The following BAZ2B variants were observed in gnomAD, a reference collection of about 807,000 sequenced individuals.
BAZ2B encodes the protein bromodomain adjacent to zinc finger domain protein 2B.
A neutral mutation model predicts 246.0 loss-of-function variants in BAZ2B; 91 were observed. That is an observed-to-expected ratio of 0.37 (90% CI 0.31 to 0.44). BAZ2B has a LOEUF of 0.44. Among genes scored for constraint, BAZ2B ranks in the 20% least tolerant of loss-of-function variants. BAZ2B has a pLI of 1.00. For missense variants in BAZ2B, 2,332 were observed against 2,533.7 expected (o/e 0.92, Z 1.71); for synonymous variants, 855 against 860.0 (o/e 0.99, Z 0.10).
At chr2:159,382,418 T>C (rs748255364) in intron 25 of BAZ2B, 141 bp downstream of exon 25, 1 of 870,034 alleles carries the variant, frequency 1.1e-6, no homozygotes, top group Non-Finnish European at 1.7e-6. Context: ...CAGATTGTAA[T>C]ATTTGTTTTT....
chr2:159,647,928 A>G, the BAZ2B span, among the ~76,000 whole-genome samples: 1 of 152,184 alleles, frequency 6.6e-6, no homozygotes, highest in East Asian at 1.9e-4. Context: ...AAGTATGCTG[A>G]CTGAAATTTT....
At chr2:159,595,415 C>G (rs1690458587) in intron 1 of BAZ2B, among the ~76,000 whole-genome samples, 1 of 152,104 alleles carries the variant, frequency 6.6e-6, no homozygotes, top group Admixed American at 6.5e-5. Flanking sequence ...TTTTTATATA[C>G]TAATGACAAG....
At chr2:159,443,328 A>G (rs915800090) in intron 6 of BAZ2B, among the ~76,000 whole-genome samples, 3 of 152,144 alleles carry the variant, frequency 2.0e-5, no homozygotes, top group African/African-American at 7.2e-5. Context: ...TAAAATATCA[A>G]TATTTATTCT....
At chr2:159,602,313 A>G (rs1692347025) in intron 1 of BAZ2B, among the ~76,000 whole-genome samples, 1 of 152,210 alleles carries the variant, frequency 6.6e-6, no homozygotes, top group African/African-American at 2.4e-5. Context: ...GGAGAACTAA[A>G]ATAGATAACC....
At position 159,462,261 on chromosome 2, in the gene BAZ2B, T is replaced by C. The variant is rs1302096188; in HGVS notation, c.146-8460A>G. On this transcript the variant is annotated intron_variant, in intron 3 of 36. Coordinates refer to ENST00000392783, the MANE Select transcript of BAZ2B (RefSeq NM_013450.4). Reference sequence around the variant, plus strand: ...ATGCTATAGGTTCAACAGTATTCCATGAGGTTAGAAAACTGGTTAACTTTG... The same window carrying C: ...ATGCTATAGGTTCAACAGTATTCCACGAGGTTAGAAAACTGGTTAACTTTG... The C allele has an allele frequency of 2.5e-5, 15 of 594,336 alleles. No homozygotes were observed. The East Asian group carries it at 4.1e-4, about 16-fold the overall frequency. The allele number at this position is 594,336 out of a possible 1,614,324, so 36.8% of individuals were successfully genotyped here.
At chr2:159,556,798 G>A (rs1328124423) in intron 1 of BAZ2B, among the ~76,000 whole-genome samples, 2 of 152,118 alleles carry the variant, frequency 1.3e-5, no homozygotes, top group Admixed American at 6.5e-5. Flanking sequence ...AATTTGAGAT[G>A]AGCCCTTAAA....
At chr2:159,524,175 CTT>C (rs1203821254) in intron 2 of BAZ2B, among the ~76,000 whole-genome samples, 5 of 152,094 alleles carry the variant, frequency 3.3e-5, no homozygotes, top group Non-Finnish European at 7.3e-5. Flanking sequence ...AATCCCAACT[CTT>C]GGGAGACCAA....
At chr2:159,693,184 T>C in the BAZ2B span, 1 of 37,068 alleles carries the variant, frequency 2.7e-5, no homozygotes, top group African/African-American at 8.8e-5. Flanking sequence ...GGTTTGTAAT[T>C]TTTTTTCTTT....
chr2:159,582,209 T>C (rs1411581567), intron 1 of BAZ2B, among the ~76,000 whole-genome samples: 2 of 152,222 alleles, frequency 1.3e-5, no homozygotes, highest in Non-Finnish European at 1.5e-5. Flanking sequence ...AAAATAAGTA[T>C]ATATATTCAT....
chr2:159,538,672 G>C (rs2086298232), intron 2 of BAZ2B, among the ~76,000 whole-genome samples: 1 of 152,164 alleles, frequency 6.6e-6, no homozygotes, highest in Non-Finnish European at 1.5e-5. Context: ...GACCAACAGA[G>C]GACATTATCA....
At chr2:159,439,785 A>G (rs1181293137) in intron 6 of BAZ2B, among the ~76,000 whole-genome samples, 1 of 152,204 alleles carries the variant, frequency 6.6e-6, no homozygotes, top group East Asian at 1.9e-4. Context: ...AGGGTAGCAA[A>G]AGACCTATGG....
intron 1 of BAZ2B, among the ~76,000 whole-genome samples, chr2:159,588,232 A>AAC (rs11443142): frequency 6.7e-6 from 1 of 148,760 alleles, no homozygotes; most frequent in African/African-American, 2.5e-5. Flanking sequence ...AAAAAAAAAA[A>AAC]CCCCTGCTTG....
chr2:159,679,509 T>C, the BAZ2B span, among the ~76,000 whole-genome samples: 1 of 152,148 alleles, frequency 6.6e-6, no homozygotes. Context: ...ATGAATAAAA[T>C]GGCCAACTAG....
At chr2:159,575,686 T>C (rs1685125771) in intron 1 of BAZ2B, among the ~76,000 whole-genome samples, 2 of 152,138 alleles carry the variant, frequency 1.3e-5, no homozygotes, top group Non-Finnish European at 1.5e-5. Flanking sequence ...GTCAAAACAA[T>C]GTTGGTAGAC....
chr2:159,706,250 G>A, the BAZ2B span, among the ~76,000 whole-genome samples: 3 of 151,980 alleles, frequency 2.0e-5, no homozygotes, highest in Non-Finnish European at 4.4e-5. Flanking sequence ...AAAAGGCAAG[G>A]AAAAGGCGAA....
the BAZ2B span, among the ~76,000 whole-genome samples, chr2:159,706,398 G>T: frequency 1.3e-5 from 2 of 152,120 alleles, no homozygotes; most frequent in African/African-American, 4.8e-5. Context: ...TTGGCAGAAG[G>T]AATGCTCAAG....
chr2:159,586,443 C>A (rs1444699805), intron 1 of BAZ2B, among the ~76,000 whole-genome samples: 1 of 152,080 alleles, frequency 6.6e-6, no homozygotes, highest in Non-Finnish European at 1.5e-5. Flanking sequence ...AACCTTGCTA[C>A]CAAGCTACCT....
At chr2:159,537,177 A>G (rs928162830) in intron 2 of BAZ2B, among the ~76,000 whole-genome samples, 2 of 152,252 alleles carry the variant, frequency 1.3e-5, no homozygotes, top group Admixed American at 1.3e-4. Flanking sequence ...ATACTGTATG[A>G]TCTCACATAT....
In BAZ2B at chr2:159,442,577, T is replaced by C. The variant is rs140488232; in HGVS notation, c.697-3365A>G. ...AAGTGTATGGTTCAGTGATATTAAATACATTCATAATGTTGTGCAAACATC... is the reference window on the plus strand; with the variant it reads ...AAGTGTATGGTTCAGTGATATTAAACACATTCATAATGTTGTGCAAACATC... On this transcript the variant is annotated intron_variant, in intron 6 of 36. Transcript: ENST00000392783. Among the ~76,000 whole-genome samples the C allele has an allele frequency of 5.7e-4, 87 of 152,340 alleles. 1 individual carries two copies. The East Asian group carries it at 0.016, about 29-fold the overall frequency.
Sources: allele counts gnomAD v4.1 joint callset (sites outside exome capture counted in the v4.1 genomes callset), GRCh38; gene constraint gnomAD v4.1.1; transcripts MANE v1.5; gene names NCBI Gene and HGNC (gene_info 2026-07-23, HGNC 2026-07-21).